The following ANKRD45 variants were observed in gnomAD, a reference collection of about 807,000 sequenced individuals.
ANKRD45 encodes the protein ankyrin repeat domain 45.
A neutral mutation model predicts 28.1 loss-of-function variants in ANKRD45; 21 were observed. The observed-to-expected ratio is 0.75, with a 90% confidence interval of 0.53 to 1.08. The LOEUF (loss-of-function observed/expected upper bound fraction) is 1.08. Among genes scored for constraint, ANKRD45 ranks in the 50% least tolerant of loss-of-function variants. The probability of loss-of-function intolerance (pLI) is 0.00; values close to 1 mark genes in which losing one functional copy is unlikely to be tolerated. For synonymous variants in ANKRD45, 86 were observed against 103.9 expected (o/e 0.83, Z 1.05); for missense variants, 261 against 308.7 (o/e 0.85, Z 1.16).
Position 173,616,102 on chromosome 1 carries a change from C to CA in ANKRD45, c.731-5888dup, listed in dbSNP as rs879788490. 3.0e-3 allele frequency among the ~76,000 whole-genome samples: 372 copies of CA among 123,468 alleles called. 1 individual carries two copies. The highest frequency in any genetic ancestry group is 6.3e-3 in the African/African-American group (209 of 33,016). 81.0% of individuals were successfully genotyped at this position (123,468 alleles called of 152,430 possible). ...TGGGCAACAGAGTGAGACTCCATCT[C>CA]AAAAAAAAAAAAATAGATTAAATTT... On this transcript the variant is annotated intron_variant, in intron 5 of 5. Transcript: ENST00000333279.
chr1:173,675,108 G>A, the ANKRD45 span, among the ~76,000 whole-genome samples: 1 of 152,120 alleles, frequency 6.6e-6, no homozygotes, highest in African/African-American at 2.4e-5. Context: ...TTGCTCTGAA[G>A]TCCATATATT....
intron 5 of ANKRD45, among the ~76,000 whole-genome samples, chr1:173,612,315 GGAAA>G (rs372989017): frequency 7.6e-4 from 79 of 104,270 alleles, no homozygotes; most frequent in African/African-American, 2.8e-3. Context: ...AAGGAAGGAA[GGAAA>G]GAAGGAAGGA....
chr1:173,629,984 A>G (rs747476287), intron 3 of ANKRD45, among the ~76,000 whole-genome samples: 5 of 152,194 alleles, frequency 3.3e-5, no homozygotes, highest in African/African-American at 4.8e-5. Flanking sequence ...AGTAGAAACC[A>G]TATAGGCCAG....
the ANKRD45 span, among the ~76,000 whole-genome samples, chr1:173,685,904 G>C: frequency 2.0e-5 from 3 of 152,282 alleles, no homozygotes; most frequent in Admixed American, 2.0e-4. Flanking sequence ...GACAGTTAGC[G>C]GGGGAGGGCT....
intron 5 of ANKRD45, among the ~76,000 whole-genome samples, chr1:173,612,265 A>AAG (rs149711490): frequency 0.01 from 1,495 of 148,686 alleles, 35 homozygotes; most frequent in African/African-American, 0.035. Flanking sequence ...AAAGAAAAGA[A>AAG]AGAGAGAGAG....
chr1:173,712,232 G>C, the ANKRD45 span, among the ~76,000 whole-genome samples: 1 of 152,090 alleles, frequency 6.6e-6, no homozygotes, highest in Admixed American at 6.6e-5. Context: ...CAAATTTAAA[G>C]TTGGAAAACA....
intron 5 of ANKRD45, among the ~76,000 whole-genome samples, chr1:173,611,634 A>C (rs193070736): frequency 1.6e-3 from 242 of 151,632 alleles, no homozygotes; most frequent in African/African-American, 5.6e-3. Context: ...AAAAATATAT[A>C]TCTCAAAATA....
intron 3 of ANKRD45, among the ~76,000 whole-genome samples, chr1:173,639,933 C>T (rs955434588): frequency 5.9e-5 from 9 of 152,146 alleles, no homozygotes; most frequent in African/African-American, 2.2e-4. Flanking sequence ...AGAAGCTATC[C>T]CAGGTTTTAA....
chr1:173,684,744 C>T, the ANKRD45 span, among the ~76,000 whole-genome samples: 25 of 152,148 alleles, frequency 1.6e-4, no homozygotes, highest in Admixed American at 1.2e-3. Context: ...CAAACTCCTC[C>T]GCTTTCTGCT....
the ANKRD45 span, among the ~76,000 whole-genome samples, chr1:173,696,165 C>T: frequency 5.9e-5 from 9 of 152,228 alleles, no homozygotes; most frequent in East Asian, 1.9e-4. Flanking sequence ...ATGTCTCCCC[C>T]GGACACCCAG....
chr1:173,714,662 C>T, the ANKRD45 span, among the ~76,000 whole-genome samples: 1 of 152,206 alleles, frequency 6.6e-6, no homozygotes, highest in African/African-American at 2.4e-5. Flanking sequence ...AATACAAATT[C>T]TTAGCTTTCT....
At chr1:173,636,959 C>A in intron 3 of ANKRD45, 1 of 1,535,658 alleles carries the variant, frequency 6.5e-7, no homozygotes, top group Non-Finnish European at 8.7e-7. Context: ...GCACAGGTCT[C>A]ACCATCCTTC....
At chr1:173,613,334 G>A (rs1262001227) in intron 5 of ANKRD45, among the ~76,000 whole-genome samples, 1 of 151,892 alleles carries the variant, frequency 6.6e-6, no homozygotes, top group Non-Finnish European at 1.5e-5. Flanking sequence ...CGTCTGAGAA[G>A]CGAGGAGCCC....
chr1:173,694,887 T>A, the ANKRD45 span, among the ~76,000 whole-genome samples: 2 of 152,186 alleles, frequency 1.3e-5, no homozygotes, highest in Non-Finnish European at 2.9e-5. Flanking sequence ...TTCTCTTGTA[T>A]TATTTTTATT....
chr1:173,623,530 C>A (rs1667792865), intron 5 of ANKRD45, among the ~76,000 whole-genome samples: 1 of 152,108 alleles, frequency 6.6e-6, no homozygotes, highest in Non-Finnish European at 1.5e-5. Flanking sequence ...ATTAATTTAA[C>A]CATTGTGGAA....
intron 5 of ANKRD45, among the ~76,000 whole-genome samples, chr1:173,610,639 G>A (rs951597712): frequency 1.3e-5 from 2 of 151,928 alleles, no homozygotes; most frequent in African/African-American, 4.8e-5. Flanking sequence ...AGGGAAGGAG[G>A]GGGGATTGTT....
At position 173,659,346 on chromosome 1, in the gene ANKRD45, C is replaced by A; in HGVS notation, c.73G>T (p.Glu25Ter). 6.2e-7 allele frequency: 1 copy of A among 1,612,194 alleles called. No homozygotes were observed. Among genetic ancestry groups the A allele is most frequent in the Non-Finnish European group, 8.5e-7 (1 of 1,179,472 alleles). The change falls in exon 2 of 6, where the codon GAA becomes TAA. Residue 25 changes from glutamate (E) to a stop codon, truncating the protein, a stop_gained. Coordinates refer to ENST00000333279, the MANE Select transcript of ANKRD45 (RefSeq NM_198493.3). LOFTEE classifies it high-confidence loss of function. The part of the protein sequence containing the change: ...FSQQEEENEE[E>*]EAQEPEETGP... The stretch of plus-strand genomic sequence containing the variant: ...GTTTCCTCTGGTTCTTGGGCTTCTT[C>A]TTCTTCATTTTCCTCTTCTTGCTGT...
chr1:173,627,491 C>T (rs1018884323), intron 3 of ANKRD45, among the ~76,000 whole-genome samples: 1 of 152,126 alleles, frequency 6.6e-6, no homozygotes, highest in African/African-American at 2.4e-5. Context: ...GACTGTGGGA[C>T]TTTGCACTAC....
intron 1 of ANKRD45, among the ~76,000 whole-genome samples, chr1:173,659,906 G>A (rs187503671): frequency 2.6e-5 from 4 of 152,244 alleles, no homozygotes; most frequent in African/African-American, 9.6e-5. Context: ...TGTAAATTGT[G>A]AAAACCAGAA....
Sources: gnomAD v4.1 joint callset for allele counts (sites outside exome capture counted in the v4.1 genomes callset) on GRCh38, gnomAD v4.1.1 for gene constraint, MANE v1.5 for transcripts, NCBI Gene and HGNC (gene_info 2026-07-23, HGNC 2026-07-21) for gene names.